Variants in ZNF395 observed in about 807,000 individuals in gnomAD.
ZNF395 encodes zinc finger protein 395.
In ZNF395, 20 loss-of-function variants were observed where a neutral mutation model predicts 57.7. The observed-to-expected ratio is 0.35, with a 90% confidence interval of 0.24 to 0.50. ZNF395 has a LOEUF of 0.50. Ranked by LOEUF, ZNF395 falls within the 20% of genes least tolerant of loss-of-function variation. ZNF395 has a pLI of 0.97. For missense variants in ZNF395, 606 were observed against 671.2 expected (o/e 0.90, Z 1.07); for synonymous variants, 295 against 275.9 (o/e 1.07, Z -0.69).
In ZNF395 at chr8:28,348,935, C is replaced by T. The variant is rs185387086; in HGVS notation, c.1431-105G>A. On this transcript the variant is annotated intron_variant, in intron 9 of 9. Coordinates refer to ENST00000344423, the MANE Select transcript of ZNF395 (RefSeq NM_018660.3). ...AAGCAGAGGCCAAAGGGGCAGCTCC[C>T]GGCAAAAGTCACCAGGACCAGGGGC... is the stretch of plus-strand genomic sequence containing the variant. 5.2e-4 allele frequency: 675 copies of T among 1,298,160 alleles called. 4 individuals carry two copies. In the East Asian group the frequency reaches 0.013, roughly 24 times the overall value. The allele number at this position is 1,298,160 out of a possible 1,614,324, so 80.4% of individuals were successfully genotyped here.
chr8:28,368,979 G>A (rs922605103), intron 1 of ZNF395, among the ~76,000 whole-genome samples: 1 of 151,982 alleles, frequency 6.6e-6, no homozygotes, highest in South Asian at 2.1e-4. Flanking sequence ...GGGATTACAG[G>A]TGCCTGCCAC....
rs1286426506 is a variant in ZNF395, at chr8:28,359,828, T to C, written c.241-4A>G. ...GACCCCCGTACCACACATAAACCTG[T>C]GGGAAGAGGGACAGCAGTTAGTGGT... On this transcript the variant is annotated splice_polypyrimidine_tract_variant and splice_region_variant and intron_variant, in intron 2 of 9. Coordinates refer to ENST00000344423, the MANE Select transcript of ZNF395 (RefSeq NM_018660.3). The surrounding 1 kb of genome is among the most constrained non-coding windows in gnomAD (Gnocchi z 4.7). 6.2e-7 allele frequency: 1 copy of C among 1,611,762 alleles called. No homozygotes were observed. Among genetic ancestry groups the C allele is most frequent in the East Asian group, 2.2e-5 (1 of 44,820 alleles).
rs192802417 is a variant in ZNF395 at position 28,352,073 on chromosome 8, C to T, written c.921-266G>A. Among the ~76,000 whole-genome samples the T allele has an allele frequency of 3.9e-5, 6 of 152,344 alleles. No homozygotes were observed. The highest frequency in any genetic ancestry group is 3.9e-4 in the East Asian group (2 of 5,186). On this transcript the variant is annotated intron_variant, in intron 6 of 9. Transcript: ENST00000344423. This position sits in a 1 kb window ranked among gnomAD's most constrained non-coding sequence, Gnocchi z 4.0. The stretch of plus-strand genomic sequence containing the variant: ...CTCCTCTGGCAGGAGGCATCCCACA[C>T]TGAGCACGACCACGAGCCCTCTCTG...
chr8:28,360,969 G>A lies in ZNF395; in HGVS notation c.156C>T (p.Thr52=), dbSNP rs368449433. The A allele has an allele frequency of 3.5e-5, 56 of 1,613,450 alleles. No homozygotes were observed. The highest frequency in any genetic ancestry group is 4.6e-5 in the Non-Finnish European group (54 of 1,179,784). The change falls in exon 2 of 10, where the codon ACC becomes ACT. Residue 52 remains threonine (T), a synonymous_variant. Coordinates refer to ENST00000344423, the MANE Select transcript of ZNF395 (RefSeq NM_018660.3). ...CTTCCTTGGGCTGCTCCTGGCAGGG[G>A]GTGTCATCAGAGGTGGTGAAAGGCT... ...APQPFTTSDD[T]PCQEQPKEVL...
At chr8:28,378,296 G>A (rs969291195) in intron 1 of ZNF395, among the ~76,000 whole-genome samples, 8 of 152,122 alleles carry the variant, frequency 5.3e-5, no homozygotes, top group Non-Finnish European at 4.4e-5. Flanking sequence ...CCACAATCAC[G>A]GCTCACTGCT....
chr8:28,377,520 T>C (rs1263226564), intron 1 of ZNF395, among the ~76,000 whole-genome samples: 1 of 152,172 alleles, frequency 6.6e-6, no homozygotes, highest in Non-Finnish European at 1.5e-5. Flanking sequence ...GTATTCTCTT[T>C]ATCGCTAAAC....
chr8:28,375,690 C>G (rs777722675), intron 1 of ZNF395, among the ~76,000 whole-genome samples: 1 of 152,198 alleles, frequency 6.6e-6, no homozygotes, highest in Non-Finnish European at 1.5e-5. Context: ...GCTGTCCTAT[C>G]AGACGTTGGA....
At chr8:28,366,669 T>G (rs1466408024) in intron 1 of ZNF395, among the ~76,000 whole-genome samples, 1 of 152,174 alleles carries the variant, frequency 6.6e-6, no homozygotes, top group Non-Finnish European at 1.5e-5. Context: ...TGTAAGTATA[T>G]GCAAATATGT....
At chr8:28,350,825 G>A (rs1455806591) in intron 7 of ZNF395, among the ~76,000 whole-genome samples, 1 of 152,198 alleles carries the variant, frequency 6.6e-6, no homozygotes, top group East Asian at 1.9e-4. Flanking sequence ...TCAGCACACA[G>A]CAAGCTGCAT....
At chr8:28,350,258 T>G in intron 7 of ZNF395, 102 bp from the exon 8 acceptor site, 10 of 960,780 alleles carry the variant, frequency 1.0e-5, no homozygotes, top group Non-Finnish European at 1.4e-5. Flanking sequence ...GGTGCATCTC[T>G]GCGTAAGTGC....
Position 28,359,941 on chromosome 8 carries a change from C to T in ZNF395, c.241-117G>A. ...GCCTGCCACAAACCATGTTCTCTGC[C>T]TCACTCATCTTTTATTCAAGCAGAT... On this transcript the variant is annotated intron_variant, in intron 2 of 9. Transcript: ENST00000344423. This position sits in a 1 kb window ranked among gnomAD's most constrained non-coding sequence, Gnocchi z 4.7. 1 of 1,441,908 alleles carries T rather than the reference C, an allele frequency of 6.9e-7. No homozygotes were observed. The allele number at this position is 1,441,908 out of a possible 1,614,324, so 89.3% of individuals were successfully genotyped here.
At chr8:28,360,318 T>C (rs1323985266) in intron 2 of ZNF395, among the ~76,000 whole-genome samples, 3 of 152,194 alleles carry the variant, frequency 2.0e-5, no homozygotes, top group Non-Finnish European at 4.4e-5. Context: ...GGCACAAGCC[T>C]TGGCAGGGAG....
At chr8:28,354,429 T>A (rs1801755544) in intron 4 of ZNF395, among the ~76,000 whole-genome samples, 1 of 152,210 alleles carries the variant, frequency 6.6e-6, no homozygotes, top group African/African-American at 2.4e-5. Context: ...CAGAGCCCCC[T>A]AACCCTGGAT....
chr8:28,351,593 G>C lies in ZNF395; in HGVS notation c.1135C>G (p.Pro379Ala), dbSNP rs371153431. Residue 379 changes from proline (P) to alanine (A), a missense_variant, in exon 7 of 10, where the codon CCA becomes GCA. Coordinates refer to ENST00000344423, the MANE Select transcript of ZNF395 (RefSeq NM_018660.3). Reference protein sequence around the residue: ...PPLHKAQSSGPEHPGPESSLP... With the variant: ...PPLHKAQSSGAEHPGPESSLP... ...GAGGACTCCGGGCCAGGATGTTCTGGGCCGGAGGACTGGGCTTTGTGCAGA... is the reference window on the plus strand; with the variant it reads ...GAGGACTCCGGGCCAGGATGTTCTGCGCCGGAGGACTGGGCTTTGTGCAGA... 6.2e-7 allele frequency: 1 copy of C among 1,613,768 alleles called. No homozygotes were observed. The highest frequency in any genetic ancestry group is 1.3e-5 in the African/African-American group (1 of 75,046).
intron 1 of ZNF395, among the ~76,000 whole-genome samples, chr8:28,383,073 G>A (rs1267117016): frequency 6.6e-6 from 1 of 152,148 alleles, no homozygotes; most frequent in Non-Finnish European, 1.5e-5. Context: ...ACTGCTTCAT[G>A]CAATTATTCT....
At position 28,356,473 on chromosome 8, in the gene ZNF395, C is replaced by A. The variant is rs1200363957; in HGVS notation, c.583+197G>T. Among the ~76,000 whole-genome samples, 1 of 152,220 alleles carries A rather than the reference C, an allele frequency of 6.6e-6. No homozygotes were observed. Among genetic ancestry groups the A allele is most frequent in the Non-Finnish European group, 1.5e-5 (1 of 68,038 alleles). On this transcript the variant is annotated intron_variant, in intron 4 of 9. Transcript: ENST00000344423. This position sits in a 1 kb window ranked among gnomAD's most constrained non-coding sequence, Gnocchi z 4.0. Reference sequence around the variant, plus strand: ...TTCACAATGTACCAGGAAACTCCTCCCCAGGTGAGGAAACTGAGGAAAAAG... The same window carrying A: ...TTCACAATGTACCAGGAAACTCCTCACCAGGTGAGGAAACTGAGGAAAAAG...
chr8:28,384,924 G>C (rs986117550), intron 1 of ZNF395, among the ~76,000 whole-genome samples: 2 of 152,194 alleles, frequency 1.3e-5, no homozygotes, highest in African/African-American at 4.8e-5. Context: ...GCCTGGCACC[G>C]TGCTGAGAGC....
Position 28,352,452 on chromosome 8 carries a change from G to A in ZNF395, c.920+121C>T. 1.3e-6 allele frequency: 1 copy of A among 756,844 alleles called. No individual in the cohort carries two copies. The highest frequency in any genetic ancestry group is 2.6e-5 in the East Asian group (1 of 39,168). 46.9% of individuals were successfully genotyped at this position (756,844 alleles called of 1,614,324 possible). On this transcript the variant is annotated intron_variant, in intron 6 of 9. Coordinates refer to ENST00000344423, the MANE Select transcript of ZNF395 (RefSeq NM_018660.3). This position sits in a 1 kb window ranked among gnomAD's most constrained non-coding sequence, Gnocchi z 4.0. ...CTCAGGGGGCCAGGAAGAGACACCA[G>A]GGGGTGTTCCCAGCAAGCCACGTTC...
Position 28,359,769 on chromosome 8 carries a change from C to T in ZNF395, c.296G>A (p.Trp99Ter). 1.2e-6 allele frequency: 2 copies of T among 1,614,160 alleles called. No homozygotes were observed. The highest frequency in any genetic ancestry group is 1.7e-6 in the Non-Finnish European group (2 of 1,180,040). Residue 99 changes from tryptophan to a stop codon, truncating the protein, a stop_gained, in exon 3 of 10, where the codon TGG becomes TAG. Coordinates refer to ENST00000344423, the MANE Select transcript of ZNF395 (RefSeq NM_018660.3). LOFTEE classifies it high-confidence loss of function. This position sits in a 1 kb window ranked among gnomAD's most constrained non-coding sequence, Gnocchi z 4.7. ...CCAGACGGTCACCTGACCCTCCATC[C>T]AGCTGTGCTGCTCCACCAGTCCTGT... ...ECTGLVEQHS[W>*]MEGQVTVWLL...
Sources: gnomAD v4.1 joint callset for allele counts (sites outside exome capture counted in the v4.1 genomes callset) on GRCh38, gnomAD v4.1.1 for gene constraint, Gnocchi (gnomAD v3.1) non-coding constraint, MANE v1.5 for transcripts, NCBI Gene and HGNC (gene_info 2026-07-23, HGNC 2026-07-21) for gene names.